The following NEK1 variants were observed in gnomAD, a reference collection of about 807,000 sequenced individuals.
NEK1 encodes the protein NIMA related kinase 1, also known as serine/threonine-protein kinase Nek1.
NEK1 carries 137 observed loss-of-function variants against 182.1 expected under a neutral mutation model. The observed-to-expected ratio is 0.75, with a 90% CI of 0.65 to 0.87. The LOEUF is 0.87. Among genes scored for constraint, NEK1 ranks in the 40% least tolerant of loss-of-function variants. The probability of loss-of-function intolerance (pLI) is 0.00; values close to 1 mark genes in which losing one functional copy is unlikely to be tolerated. For synonymous variants in NEK1, 513 were observed against 492.2 expected (o/e 1.04, Z -0.56); for missense variants, 1,391 against 1,494.4 (o/e 0.93, Z 1.14).
chr4:169,418,768 T>C (rs1380285643), intron 31 of NEK1, among the ~76,000 whole-genome samples: 1 of 151,354 alleles, frequency 6.6e-6, no homozygotes, highest in Non-Finnish European at 1.5e-5. Flanking sequence ...TATCAAAGAG[T>C]CTAACATATG....
rs1412801416 is a variant in NEK1, at chr4:169,452,205, CCAGA to C, written c.2587+11034_2587+11037del. ...CTTACCAACCAAAAGAAGTCCAGGACCAGATGGATTCACAGCTGAATTCTACCAG... is the reference window on the plus strand; with the variant it reads ...CTTACCAACCAAAAGAAGTCCAGGACTGGATTCACAGCTGAATTCTACCAG... On this transcript the variant is annotated intron_variant, in intron 27 of 35. Transcript: ENST00000507142. Among the ~76,000 whole-genome samples the C allele has an allele frequency of 2.0e-5, 3 of 152,132 alleles. No homozygotes were observed. In the East Asian group the frequency reaches 5.8e-4, roughly 29 times the overall value.
intron 23 of NEK1, among the ~76,000 whole-genome samples, chr4:169,479,900 A>C (rs1477359650): frequency 6.6e-6 from 1 of 152,192 alleles, no homozygotes; most frequent in Non-Finnish European, 1.5e-5. Context: ...AGGTTTGGGT[A>C]CAATCTTCTC....
chr4:169,422,180 A>G (rs1172566375), intron 31 of NEK1, among the ~76,000 whole-genome samples: 2 of 152,204 alleles, frequency 1.3e-5, no homozygotes, highest in Non-Finnish European at 2.9e-5. Flanking sequence ...GCTTCAGTGG[A>G]CGAGCAGGCT....
At chr4:169,533,574 T>C (rs1176909849) in intron 19 of NEK1, among the ~76,000 whole-genome samples, 1 of 152,182 alleles carries the variant, frequency 6.6e-6, no homozygotes, top group African/African-American at 2.4e-5. Context: ...AAAAGAGTTC[T>C]ATGGGAAAAC....
intron 19 of NEK1, among the ~76,000 whole-genome samples, chr4:169,513,836 T>G (rs1754605376): frequency 6.6e-6 from 1 of 152,150 alleles, no homozygotes; most frequent in African/African-American, 2.4e-5. Context: ...TCATATGAAT[T>G]TCCTTCTTTA....
chr4:169,570,684 C>A (rs868395994), intron 12 of NEK1, among the ~76,000 whole-genome samples: 1 of 152,114 alleles, frequency 6.6e-6, no homozygotes, highest in Admixed American at 6.5e-5. Context: ...GTGTGCCCAG[C>A]GGCTCATTGA....
At chr4:169,559,382 A>C (rs1215137654) in intron 16 of NEK1, among the ~76,000 whole-genome samples, 3 of 152,322 alleles carry the variant, frequency 2.0e-5, no homozygotes, top group African/African-American at 7.2e-5. Context: ...GTCATTCCTG[A>C]TCATTCAGGA....
intron 23 of NEK1, among the ~76,000 whole-genome samples, chr4:169,497,406 C>G (rs1286363888): frequency 6.6e-6 from 1 of 152,154 alleles, no homozygotes; most frequent in Non-Finnish European, 1.5e-5. Flanking sequence ...CTATTTCCTT[C>G]AGTTCTGCTC....
intron 5 of NEK1, 89 bp downstream of exon 5, chr4:169,599,011 T>G (rs1770032950): frequency 2.2e-6 from 2 of 906,946 alleles, no homozygotes; most frequent in Admixed American, 4.3e-5. Context: ...TGATTAGCAT[T>G]TGTAGTTAAA....
chr4:169,597,086 CA>C (rs1769632449), intron 5 of NEK1, among the ~76,000 whole-genome samples: 1 of 152,058 alleles, frequency 6.6e-6, no homozygotes, highest in Admixed American at 6.6e-5. Context: ...CATTTAATAG[CA>C]AACATTTTAA....
At chr4:169,415,977 G>A (rs1270990325) in intron 31 of NEK1, among the ~76,000 whole-genome samples, 1 of 152,116 alleles carries the variant, frequency 6.6e-6, no homozygotes, top group Admixed American at 6.5e-5. Flanking sequence ...GGGAGGACTT[G>A]GGCCACAAGA....
At position 169,602,535 on chromosome 4, in the gene NEK1, G is replaced by C. The variant is rs1202777903; in HGVS notation, c.96C>G (p.Ile32Met). Residue 32 changes from isoleucine to methionine, a missense_variant, in exon 3 of 36, where the codon ATC (isoleucine) becomes ATG (methionine). Ile to Met is a conservative substitution (Grantham distance 10, BLOSUM62 1). Coordinates refer to ENST00000507142, the MANE Select transcript of NEK1 (RefSeq NM_001199397.3). ...TTACTCTTGAGATGTTAATTTCCTT[G>C]ATAACATACTGTCTGCCATCTTCTG... is the stretch of plus-strand genomic sequence containing the variant. ...KSTEDGRQYV[I>M]KEINISRMSS... 2 of 1,589,004 alleles carry C rather than the reference G, an allele frequency of 1.3e-6. No homozygotes were observed. Among genetic ancestry groups the C allele is most frequent in the African/African-American group, 2.7e-5 (2 of 74,018 alleles).
intron 7 of NEK1, 82 bp from the exon 8 acceptor site, chr4:169,588,817 C>T (rs1016004835): frequency 3.1e-5 from 26 of 831,354 alleles, no homozygotes; most frequent in South Asian, 1.7e-4. Context: ...TACAGCAGAT[C>T]GCATATATGA....
At chr4:169,448,103 T>C (rs1740933352) in intron 27 of NEK1, among the ~76,000 whole-genome samples, 1 of 151,792 alleles carries the variant, frequency 6.6e-6, no homozygotes. Context: ...CAGTGGGACA[T>C]GCTTGTAGTC....
At chr4:169,439,022 T>A (rs1738934074) in intron 27 of NEK1, among the ~76,000 whole-genome samples, 1 of 152,170 alleles carries the variant, frequency 6.6e-6, no homozygotes, top group Non-Finnish European at 1.5e-5. Flanking sequence ...TCTAAAAAAA[T>A]TTTACCCTGA....
intron 2 of NEK1, among the ~76,000 whole-genome samples, chr4:169,606,836 A>C (rs1297600668): frequency 6.6e-6 from 1 of 152,236 alleles, no homozygotes; most frequent in African/African-American, 2.4e-5. Flanking sequence ...ATATAAAGAA[A>C]CAGCAATGCA....
intron 27 of NEK1, among the ~76,000 whole-genome samples, chr4:169,448,972 G>A (rs1486801975): frequency 6.6e-6 from 1 of 152,262 alleles, no homozygotes; most frequent in Non-Finnish European, 1.5e-5. Flanking sequence ...CTTTTCCCAA[G>A]GTCTTAGCAA....
chr4:169,558,809 T>C lies in NEK1; in HGVS notation c.1266+2671A>G, dbSNP rs953539542. On this transcript the variant is annotated intron_variant, in intron 16 of 35. Transcript: ENST00000507142. ...ATCAAAAACATTTACATTGGATATTTATACTATGAATAAAAATGCCTCTTA... is the reference window on the plus strand; with the variant it reads ...ATCAAAAACATTTACATTGGATATTCATACTATGAATAAAAATGCCTCTTA... 4.6e-5 allele frequency among the ~76,000 whole-genome samples: 7 copies of C among 152,196 alleles called. 1 individual carries two copies. Among genetic ancestry groups the C allele is most frequent in the Non-Finnish European group, 7.4e-5 (5 of 68,026 alleles).
Position 169,477,431 on chromosome 4 carries a change from CTGA to C in NEK1, c.2203_2205del (p.Ser736del), listed in dbSNP as rs746317867. ...TGATAAACTTTGAAAATTTTACTTA[CTGA>C]AATAGCATTGTTGGTCTTTTGCATC... On this transcript the variant is annotated inframe_deletion and splice_region_variant, in exon 25 of 36. Coordinates refer to ENST00000507142, the MANE Select transcript of NEK1 (RefSeq NM_001199397.3). 46 of 1,601,112 alleles carry C rather than the reference CTGA, an allele frequency of 2.9e-5. No individual in the cohort carries two copies. The highest frequency in any genetic ancestry group is 3.7e-5 in the Non-Finnish European group (44 of 1,174,002).
Sources: gnomAD v4.1 joint callset for allele counts (sites outside exome capture counted in the v4.1 genomes callset) on GRCh38, gnomAD v4.1.1 for gene constraint, MANE v1.5 for transcripts, NCBI Gene and HGNC (gene_info 2026-07-23, HGNC 2026-07-21) for gene names.